The following CALCRL variants were observed in gnomAD, a reference collection of about 807,000 sequenced individuals.
CALCRL encodes calcitonin gene-related peptide type 1 receptor.
Under a neutral mutation model 60.4 loss-of-function variants are expected in CALCRL, and 27 were observed. The ratio of observed to expected loss-of-function variants is 0.45; its 90% CI spans 0.33 to 0.62. CALCRL has a LOEUF of 0.62. Among genes scored for constraint, CALCRL ranks in the 20% least tolerant of loss-of-function variants. The pLI is 0.03. For synonymous variants in CALCRL, 190 were observed against 182.6 expected (o/e 1.04, Z -0.33); for missense variants, 424 against 540.7 (o/e 0.78, Z 2.14).
At chr2:187,415,708 AC>A (rs1689574818) in intron 1 of CALCRL, 3 of 568,320 alleles carry the variant, frequency 5.3e-6, no homozygotes, top group Non-Finnish European at 3.3e-6. Flanking sequence ...CAACAGTGAC[AC>A]CCACTCTTCC....
intron 1 of CALCRL, among the ~76,000 whole-genome samples, chr2:187,424,319 G>A (rs968721320): frequency 6.6e-6 from 1 of 151,902 alleles, no homozygotes; most frequent in Non-Finnish European, 1.5e-5. Context: ...TTTCCTTTGT[G>A]AGCTATCTAC....
intron 1 of CALCRL, among the ~76,000 whole-genome samples, chr2:187,402,442 A>T (rs921117329): frequency 9.5e-5 from 14 of 147,066 alleles, no homozygotes; most frequent in South Asian, 2.1e-4. Context: ...TGTGTATGTG[A>T]GAGAGAGAGA....
chr2:187,359,047 A>G lies in CALCRL; in HGVS notation c.909+16T>C, dbSNP rs2105722449. On this transcript the variant is annotated intron_variant, in intron 12 of 14. Coordinates refer to ENST00000392370, the MANE Select transcript of CALCRL (RefSeq NM_005795.6). ...AAATGTGAGCAATGATAAGGAAAGG[A>G]GAATTTGTTACATACCAGTAAAGCA... 6.3e-7 allele frequency: 1 copy of G among 1,594,774 alleles called. No homozygotes were observed. The highest frequency in any genetic ancestry group is 8.6e-7 in the Non-Finnish European group (1 of 1,162,404).
intron 1 of CALCRL, among the ~76,000 whole-genome samples, chr2:187,419,944 G>A (rs984054150): frequency 2.0e-5 from 3 of 152,128 alleles, no homozygotes; most frequent in Non-Finnish European, 4.4e-5. Context: ...GCTAATCTTT[G>A]TGGAAGCAGA....
At chr2:187,391,126 T>A (rs1688423592) in intron 1 of CALCRL, among the ~76,000 whole-genome samples, 1 of 152,146 alleles carries the variant, frequency 6.6e-6, no homozygotes, top group African/African-American at 2.4e-5. Flanking sequence ...GGAGATGAAA[T>A]GATGACATTG....
chr2:187,376,137 C>T (rs1687746939), intron 8 of CALCRL, among the ~76,000 whole-genome samples: 1 of 152,256 alleles, frequency 6.6e-6, no homozygotes, highest in South Asian at 2.1e-4. Flanking sequence ...TAAAGATCCT[C>T]AGGTCTAGCT....
chr2:187,380,201 C>T (rs1687928342), intron 7 of CALCRL, among the ~76,000 whole-genome samples: 1 of 152,080 alleles, frequency 6.6e-6, no homozygotes, highest in Non-Finnish European at 1.5e-5. Flanking sequence ...GGTATGTTTT[C>T]TTTGGAAAAT....
chr2:187,414,104 A>AT (rs1291386276), intron 1 of CALCRL, among the ~76,000 whole-genome samples: 2 of 152,130 alleles, frequency 1.3e-5, no homozygotes, highest in African/African-American at 2.4e-5. Flanking sequence ...TATAATGAAA[A>AT]TTTCATATTG....
At chr2:187,350,210 G>A (rs1686463325) in intron 14 of CALCRL, among the ~76,000 whole-genome samples, 1 of 151,558 alleles carries the variant, frequency 6.6e-6, no homozygotes, top group African/African-American at 2.4e-5. Context: ...ATTAAAATCT[G>A]TTTCTGTAGA....
chr2:187,400,166 A>G (rs1688826975), intron 1 of CALCRL, among the ~76,000 whole-genome samples: 1 of 151,628 alleles, frequency 6.6e-6, no homozygotes, highest in African/African-American at 2.4e-5. Flanking sequence ...CTTGATCACT[A>G]CACATTGTAT....
intron 8 of CALCRL, among the ~76,000 whole-genome samples, chr2:187,368,321 G>A (rs1397837469): frequency 6.6e-6 from 1 of 151,956 alleles, no homozygotes; most frequent in African/African-American, 2.4e-5. Context: ...ATAGCATCCA[G>A]GTTTACCTCA....
chr2:187,422,943 T>C (rs932673363), intron 1 of CALCRL, among the ~76,000 whole-genome samples: 28 of 152,010 alleles, frequency 1.8e-4, no homozygotes, highest in Non-Finnish European at 3.4e-4. Flanking sequence ...GAAGATAGTC[T>C]ACTAGAAGAT....
intron 8 of CALCRL, among the ~76,000 whole-genome samples, chr2:187,369,527 A>C (rs112975008): frequency 3.2e-4 from 48 of 152,288 alleles, no homozygotes; most frequent in African/African-American, 1.1e-3. Flanking sequence ...TGATCTATTG[A>C]GTTTGAATTT....
intron 1 of CALCRL, among the ~76,000 whole-genome samples, chr2:187,442,321 A>G (rs1437148366): frequency 6.6e-6 from 1 of 151,170 alleles, no homozygotes; most frequent in Non-Finnish European, 1.5e-5. Context: ...AGGAGATCCT[A>G]TGAAACTCAT....
chr2:187,446,020 AG>A (rs1691162812), intron 1 of CALCRL, among the ~76,000 whole-genome samples: 1 of 151,652 alleles, frequency 6.6e-6, no homozygotes, highest in African/African-American at 2.4e-5. Flanking sequence ...TATGTAAGAT[AG>A]AAAAAAAATC....
At chr2:187,368,511 A>T (rs1451227335) in intron 8 of CALCRL, among the ~76,000 whole-genome samples, 6 of 152,112 alleles carry the variant, frequency 3.9e-5, no homozygotes, top group Non-Finnish European at 4.4e-5. Flanking sequence ...TTCTTTCTAT[A>T]GTTGTTGCCA....
rs548519311 is a variant in CALCRL, at chr2:187,347,957, G to C, written c.1171-1558C>G. Among the ~76,000 whole-genome samples the C allele has an allele frequency of 1.3e-4, 20 of 151,710 alleles. 1 individual carries two copies. The South Asian group carries it at 4.2e-3, about 32-fold the overall frequency. On this transcript the variant is annotated intron_variant, in intron 14 of 14. Coordinates refer to ENST00000392370, the MANE Select transcript of CALCRL (RefSeq NM_005795.6). ...AACTTCGTATTGAAAGTTACATTAT[G>C]ATGAAGTTCAGTAACTTCAGCCCTT...
At chr2:187,362,107 T>TA in intron 9 of CALCRL, among the ~76,000 whole-genome samples, 1 of 152,022 alleles carries the variant, frequency 6.6e-6, no homozygotes, top group East Asian at 1.9e-4. Flanking sequence ...ACCATTACAA[T>TA]AAAAAAGAAT....
intron 9 of CALCRL, among the ~76,000 whole-genome samples, 161 bp downstream of exon 9, chr2:187,363,215 T>C (rs1246519907): frequency 2.6e-5 from 4 of 152,130 alleles, no homozygotes; most frequent in African/African-American, 9.7e-5. Context: ...TAAATATTTC[T>C]CAATATTCCC....
Sources: gnomAD v4.1 joint callset for allele counts (sites outside exome capture counted in the v4.1 genomes callset) on GRCh38, gnomAD v4.1.1 for gene constraint, MANE v1.5 for transcripts, NCBI Gene and HGNC (gene_info 2026-07-23, HGNC 2026-07-21) for gene names.